PAN3: variants seen among roughly 807,000 people sequenced by gnomAD.
The protein encoded by PAN3 is PAN2-PAN3 deadenylation complex subunit PAN3.
PAN3 carries 19 observed loss-of-function variants against 96.2 expected under a neutral mutation model. That is an observed-to-expected ratio of 0.20 (90% CI 0.14 to 0.29). The LOEUF is 0.29. Ranked by LOEUF, PAN3 falls within the 10% of genes least tolerant of loss-of-function variation. PAN3 has a pLI of 1.00. For synonymous variants in PAN3, 433 were observed against 406.6 expected (o/e 1.06, Z -0.78); for missense variants, 882 against 1,108.1 (o/e 0.80, Z 2.90).
chr13:28,144,216 T>TG (rs1870265558), intron 1 of PAN3, among the ~76,000 whole-genome samples: 1 of 139,838 alleles, frequency 7.2e-6, no homozygotes, highest in South Asian at 2.4e-4. Flanking sequence ...TTTTTGTTTT[T>TG]TTTTTTTTTT....
intron 5 of PAN3, among the ~76,000 whole-genome samples, chr13:28,208,367 C>A (rs1879617813): frequency 6.6e-6 from 1 of 152,110 alleles, no homozygotes; most frequent in South Asian, 2.1e-4. Flanking sequence ...AAACATTTTT[C>A]CTCCTTTTAG....
rs775249649 is a variant in PAN3, at chr13:28,267,449, C to G, written c.1792+48C>G. On this transcript the variant is annotated intron_variant, in intron 12 of 18. Transcript: ENST00000380958. ...CTATATTTTGACTAATGCTTTTGCT[C>G]TGTGGAAGAGTAGTTTTCTATTTTA... The G allele has an allele frequency of 2.8e-6, 4 of 1,442,768 alleles. No individual in the cohort carries two copies. The Admixed American group carries it at 6.9e-5, about 25-fold the overall frequency. 89.4% of individuals were successfully genotyped at this position (1,442,768 alleles called of 1,614,324 possible). A position where few individuals can be genotyped will look rare whatever the true frequency, so the allele number is the denominator to read the frequency against.
intron 5 of PAN3, 47 bp downstream of exon 5, chr13:28,197,393 C>A (rs1878187355): frequency 2.0e-6 from 3 of 1,503,022 alleles, no homozygotes; most frequent in Non-Finnish European, 2.7e-6. Flanking sequence ...AATGTCTTGG[C>A]TGCTTTCTGT....
chr13:28,146,199 CTTT>C (rs1261893756), intron 1 of PAN3, among the ~76,000 whole-genome samples: 1 of 151,164 alleles, frequency 6.6e-6, no homozygotes, highest in Non-Finnish European at 1.5e-5. Flanking sequence ...GTGTTTAGAT[CTTT>C]TCTACACATT....
At chr13:28,261,601 G>A (rs1885725484) in intron 9 of PAN3, 143 bp downstream of exon 9, 4 of 579,726 alleles carry the variant, frequency 6.9e-6, no homozygotes, top group Non-Finnish European at 1.1e-5. Flanking sequence ...GGGAGGCTGA[G>A]GCAGGAGGAT....
intron 4 of PAN3, among the ~76,000 whole-genome samples, chr13:28,193,750 A>G (rs1877592911): frequency 6.7e-6 from 1 of 149,602 alleles, no homozygotes; most frequent in African/African-American, 2.5e-5. Context: ...AAAAAAAAAA[A>G]AAAAAACCCA....
At chr13:28,249,328 T>G (rs903742459) in intron 6 of PAN3, among the ~76,000 whole-genome samples, 5 of 152,202 alleles carry the variant, frequency 3.3e-5, no homozygotes, top group Admixed American at 1.3e-4. Flanking sequence ...ATGAAGTAGG[T>G]GTTGGATGTT....
At chr13:28,220,193 TAAAG>T (rs1268749506) in intron 5 of PAN3, 34 bp from the exon 6 acceptor site, 1 of 1,590,526 alleles carries the variant, frequency 6.3e-7, no homozygotes, top group Non-Finnish European at 8.6e-7. Context: ...TTTTTCGGCT[TAAAG>T]TGTGTTAACT....
chr13:28,286,055 T>C (rs899026849), intron 17 of PAN3, among the ~76,000 whole-genome samples: 6 of 152,236 alleles, frequency 3.9e-5, no homozygotes, highest in African/African-American at 9.6e-5. Flanking sequence ...GGGAAGCCTT[T>C]GTGAGGGCAG....
At chr13:28,181,676 A>C (rs1875809195) in intron 4 of PAN3, among the ~76,000 whole-genome samples, 1 of 152,220 alleles carries the variant, frequency 6.6e-6, no homozygotes, top group Non-Finnish European at 1.5e-5. Context: ...TCATGGGACC[A>C]GTGCTAGTCT....
chr13:28,199,597 C>G lies in PAN3; in HGVS notation c.852+2251C>G, dbSNP rs191939791. Among the ~76,000 whole-genome samples, 3 of 152,234 alleles carry G rather than the reference C, an allele frequency of 2.0e-5. No homozygotes were observed. The East Asian group carries it at 5.8e-4, about 29-fold the overall frequency. ...GTACTGAAAAATACTCATCTCGTCT[C>G]TATTACTGTCTGTGTAGATTCCAAA... is the stretch of plus-strand genomic sequence containing the variant. On this transcript the variant is annotated intron_variant, in intron 5 of 18. Coordinates refer to ENST00000380958, the MANE Select transcript of PAN3 (RefSeq NM_175854.8).
At chr13:28,150,872 C>T (rs183171902) in intron 1 of PAN3, among the ~76,000 whole-genome samples, 4 of 152,096 alleles carry the variant, frequency 2.6e-5, no homozygotes, top group Non-Finnish European at 4.4e-5. Flanking sequence ...GTGGACCTTA[C>T]CTCTTAATGG....
chr13:28,163,100 G>A (rs1396211538), intron 1 of PAN3, among the ~76,000 whole-genome samples: 1 of 151,846 alleles, frequency 6.6e-6, no homozygotes, highest in East Asian at 1.9e-4. Flanking sequence ...CTGTAGTGCA[G>A]TGGTATGATG....
At chr13:28,241,027 C>T (rs1233039920) in intron 6 of PAN3, among the ~76,000 whole-genome samples, 3 of 152,120 alleles carry the variant, frequency 2.0e-5, no homozygotes, top group East Asian at 1.9e-4. Flanking sequence ...TGCTGGGAAC[C>T]GAGGTGGCAA....
Position 28,174,373 on chromosome 13 carries a change from A to G in PAN3, c.532A>G (p.Thr178Ala). ...GVNGFGSPVE[T>A]KYPLMQRMTN... ...CAATGGATTTGGAAGCCCTGTAGAA[A>G]CAAAATATCCCCTGATGCAGGTATC... The change falls in exon 2 of 19, where the codon ACA becomes GCA. Residue 178 changes from threonine (T) to alanine (A), a missense_variant. Physicochemically the swap from Thr to Ala is moderately conservative, Grantham distance 58 (BLOSUM62 0). This residue lies in a region of PAN3 where 442 missense variants were observed against 422.8 expected (regional missense o/e 1.05). Transcript: ENST00000380958. 6.2e-7 allele frequency: 1 copy of G among 1,613,336 alleles called. No individual in the cohort carries two copies. The highest frequency in any genetic ancestry group is 8.5e-7 in the Non-Finnish European group (1 of 1,179,400).
chr13:28,215,715 G>T, intron 5 of PAN3: 1 of 1,497,624 alleles, frequency 6.7e-7, no homozygotes. Flanking sequence ...CGCCATTGTT[G>T]ATATAGTTCC....
At chr13:28,151,726 G>A (rs1426948718) in intron 1 of PAN3, among the ~76,000 whole-genome samples, 12 of 152,142 alleles carry the variant, frequency 7.9e-5, no homozygotes, top group Non-Finnish European at 1.5e-5. Flanking sequence ...TCAAGGGTTT[G>A]TTTCAAGAGT....
At chr13:28,206,315 C>CTTTTTTTTT (rs71086837) in intron 5 of PAN3, among the ~76,000 whole-genome samples, 6 of 94,930 alleles carry the variant, frequency 6.3e-5, no homozygotes, top group East Asian at 6.9e-4. Context: ...GTCTAACTGA[C>CTTTTTTTTT]TTTTTTTTTT....
chr13:28,195,824 T>C (rs996359627), intron 4 of PAN3, among the ~76,000 whole-genome samples: 2 of 151,410 alleles, frequency 1.3e-5, no homozygotes, highest in African/African-American at 2.4e-5. Flanking sequence ...CATGAGCCAC[T>C]GCACCCAGCC....
Sources: allele counts gnomAD v4.1 joint callset (sites outside exome capture counted in the v4.1 genomes callset), GRCh38; gene constraint gnomAD v4.1.1; regional missense constraint gnomAD v4.1.1; transcripts MANE v1.5; gene names NCBI Gene and HGNC (gene_info 2026-07-23, HGNC 2026-07-21).